The following DNAJC9 variants were observed in gnomAD, a reference collection of about 807,000 sequenced individuals.
DNAJC9 encodes DnaJ heat shock protein family (Hsp40) member C9, also known as dnaJ homolog subfamily C member 9.
A neutral mutation model predicts 32.4 loss-of-function variants in DNAJC9; 18 were observed. The observed-to-expected ratio is 0.56, with a 90% CI of 0.38 to 0.82. The LOEUF is 0.82. Among genes scored for constraint, DNAJC9 ranks in the 40% least tolerant of loss-of-function variants. The probability of loss-of-function intolerance (pLI) is 0.00; values close to 1 mark genes in which losing one functional copy is unlikely to be tolerated. For synonymous variants in DNAJC9, 113 were observed against 122.1 expected (o/e 0.93, Z 0.49); for missense variants, 310 against 321.8 (o/e 0.96, Z 0.28).
In DNAJC9 at chr10:73,244,810, A is replaced by G. The variant is rs140830232; in HGVS notation, c.577-881T>C. Among the ~76,000 whole-genome samples the G allele has an allele frequency of 2.2e-4, 33 of 150,492 alleles. 1 individual carries two copies. The highest frequency in any genetic ancestry group is 8.3e-4 in the African/African-American group (33 of 39,868). ...AACACCCCTTGTGAATTTTCTAAGT[A>G]GCAATTAATGCTATTAATACTGAGG... On this transcript the variant is annotated intron_variant, in intron 3 of 4. Coordinates refer to ENST00000372950, the MANE Select transcript of DNAJC9 (RefSeq NM_015190.5).
Position 73,246,742 on chromosome 10 carries a change from A to G in DNAJC9, c.267T>C (p.Pro89=), listed in dbSNP as rs777944331. 1 of 1,614,116 alleles carries G rather than the reference A, an allele frequency of 6.2e-7. No individual in the cohort carries two copies. The highest frequency in any genetic ancestry group is 1.1e-5 in the South Asian group (1 of 91,074). ...DEQGTVDEDS[P]VLTQDRDWEA... is the part of the protein sequence containing the mutation. Reference sequence around the variant, plus strand: ...CCCAGTCTCGGTCTTGGGTGAGCACAGGAGAGTCCTCGTCCACTGTTCCCT... The same window carrying G: ...CCCAGTCTCGGTCTTGGGTGAGCACGGGAGAGTCCTCGTCCACTGTTCCCT... Residue 89 remains proline (P), a synonymous_variant, in exon 2 of 5, where the codon CCT becomes CCC. Transcript: ENST00000372950.
At chr10:73,235,329 G>A (rs536739177), downstream of DNAJC9, 93 of 1,551,546 alleles carry the variant, frequency 6.0e-5, no homozygotes, top group Admixed American at 2.4e-4. Context: ...GTAGAGTGAC[G>A]TACTTCCTAG....
At chr10:73,243,802 A>C in intron 4 of DNAJC9, 41 bp downstream of exon 4, 1 of 1,529,338 alleles carries the variant, frequency 6.5e-7, no homozygotes. Flanking sequence ...AGCAGTAGGA[A>C]TCAGATCATT....
chr10:73,235,530 A>C, downstream of DNAJC9: 1 of 1,156,462 alleles, frequency 8.6e-7, no homozygotes, highest in Non-Finnish European at 1.2e-6. Context: ...GAAATCACAA[A>C]TATTCTAAGC....
downstream of DNAJC9, chr10:73,240,895 T>C (rs2043934820): frequency 1.2e-5 from 13 of 1,080,118 alleles, no homozygotes; most frequent in Non-Finnish European, 1.7e-5. Context: ...AACTTGAGAG[T>C]GATTATCAAA....
chr10:73,240,819 A>G (rs1189322148), downstream of DNAJC9: 3 of 626,756 alleles, frequency 4.8e-6, no homozygotes, highest in South Asian at 1.9e-5. Flanking sequence ...CTACAAAACT[A>G]GTTTACTGCT....
At chr10:73,243,808 T>A (rs2043979016) in intron 4 of DNAJC9, 35 bp downstream of exon 4, 5 of 1,555,822 alleles carry the variant, frequency 3.2e-6, no homozygotes, top group Non-Finnish European at 3.5e-6. Context: ...AGGAATCAGA[T>A]CATTAAAGAT....
At chr10:73,233,237 A>G (rs368400548) in intron 2 of DNAJC9, 6 of 1,060,002 alleles carry the variant, frequency 5.7e-6, no homozygotes, top group East Asian at 2.6e-5. Flanking sequence ...TAATTTAAAT[A>G]TAAGACTGAA....
At chr10:73,235,152 G>C, downstream of DNAJC9, 1 of 1,548,344 alleles carries the variant, frequency 6.5e-7, no homozygotes, top group Non-Finnish European at 8.7e-7. Context: ...CCACATTACA[G>C]ATAGTTTTCA....
chr10:73,239,966 TCAGGCCAGAA>T (rs2043904913), downstream of DNAJC9, among the ~76,000 whole-genome samples: 5 of 152,174 alleles, frequency 3.3e-5, no homozygotes, highest in Non-Finnish European at 7.4e-5. Context: ...ACTCTGCTGA[TCAGGCCAGAA>T]TGCAGTGGCA....
downstream of DNAJC9, chr10:73,239,207 T>G (rs2133417077): frequency 2.2e-6 from 2 of 923,650 alleles, no homozygotes; most frequent in Admixed American, 4.2e-5. Context: ...TGGTAGTCTA[T>G]GCCTTTTACC....
At chr10:73,235,282 C>A, downstream of DNAJC9, 1 of 1,552,080 alleles carries the variant, frequency 6.4e-7, no homozygotes, top group Non-Finnish European at 8.7e-7. Context: ...TTTTGCCCGA[C>A]TTTTTCCCCA....
At chr10:73,232,649 G>T (rs2043732662) in intron 2 of DNAJC9, among the ~76,000 whole-genome samples, 1 of 152,174 alleles carries the variant, frequency 6.6e-6, no homozygotes, top group Non-Finnish European at 1.5e-5. Flanking sequence ...GCCTTCACTG[G>T]TGACTAAAAA....
chr10:73,243,960 C>T, intron 3 of DNAJC9, 31 bp from the exon 4 acceptor site: 1 of 1,579,518 alleles, frequency 6.3e-7, no homozygotes, highest in Admixed American at 1.8e-5. Flanking sequence ...AGACTCAGGG[C>T]CACCAGGAAA....
chr10:73,235,723 C>T (rs565408613), downstream of DNAJC9, among the ~76,000 whole-genome samples: 2 of 152,230 alleles, frequency 1.3e-5, no homozygotes, highest in South Asian at 4.1e-4. Context: ...TTTTCAGAAG[C>T]AGGCTCTTGC....
At chr10:73,244,973 G>A (rs893963511) in intron 3 of DNAJC9, among the ~76,000 whole-genome samples, 2 of 152,100 alleles carry the variant, frequency 1.3e-5, no homozygotes, top group Admixed American at 6.5e-5. Context: ...AAATTCTAGG[G>A]AAGTTTCTCA....
intron 2 of DNAJC9, among the ~76,000 whole-genome samples, chr10:73,232,624 G>A (rs1366603370): frequency 1.3e-5 from 2 of 152,202 alleles, no homozygotes; most frequent in Non-Finnish European, 2.9e-5. Context: ...TTTGGAGTAG[G>A]TGTCCTTCAG....
chr10:73,240,521 G>T (rs1242723320), downstream of DNAJC9, among the ~76,000 whole-genome samples: 1 of 152,060 alleles, frequency 6.6e-6, no homozygotes, highest in African/African-American at 2.4e-5. Flanking sequence ...GACCATCCTG[G>T]CTAACATGGT....
At chr10:73,236,740 T>TC (rs964948068), downstream of DNAJC9, among the ~76,000 whole-genome samples, 6 of 150,460 alleles carry the variant, frequency 4.0e-5, no homozygotes, top group African/African-American at 1.5e-4. Flanking sequence ...TTTTTTTTTT[T>TC]AAGACAGGGT....
Sources: gnomAD v4.1 joint callset for allele counts (sites outside exome capture counted in the v4.1 genomes callset) on GRCh38, gnomAD v4.1.1 for gene constraint, MANE v1.5 for transcripts, NCBI Gene and HGNC (gene_info 2026-07-23, HGNC 2026-07-21) for gene names.